Variants in SYTL3 observed in about 807,000 individuals in gnomAD.
SYTL3 encodes the protein synaptotagmin-like protein 3.
In SYTL3, 88 loss-of-function variants were observed where a neutral mutation model predicts 82.1. That is an observed-to-expected ratio of 1.07 (90% CI 0.90 to 1.28). The LOEUF is 1.28. Ranked by LOEUF, SYTL3 falls within the 50% of genes most tolerant of loss-of-function variation. The probability of loss-of-function intolerance (pLI) is 0.00; values close to 1 mark genes in which losing one functional copy is unlikely to be tolerated. For missense variants in SYTL3, 831 were observed against 757.6 expected (o/e 1.10, Z -1.14); for synonymous variants, 311 against 289.4 (o/e 1.07, Z -0.76).
At chr6:158,757,934 C>T (rs1307191700) in intron 14 of SYTL3, among the ~76,000 whole-genome samples, 2 of 152,114 alleles carry the variant, frequency 1.3e-5, no homozygotes, top group African/African-American at 2.4e-5. Context: ...ATAGATAGCA[C>T]GTGGGCTGGG....
rs375525173 is a variant in SYTL3, at chr6:158,763,455, C to G, written c.1669C>G (p.Gln557Glu). Reference sequence around the variant, plus strand: ...AAGCTTGGAGTTAACTGTCTGGGATCAGGCCCTCTTTGGAATGAACGACCG... The same window carrying G: ...AAGCTTGGAGTTAACTGTCTGGGATGAGGCCCTCTTTGGAATGAACGACCG... The part of the protein sequence containing the change: ...QSSLELTVWD[Q>E]ALFGMNDRLL... Residue 557 changes from glutamine (Q) to glutamate (E), a missense_variant, in exon 17 of 18, where the codon CAG (glutamine) becomes GAG (glutamate). Transcript: ENST00000611299. 6 of 1,614,076 alleles carry G rather than the reference C, an allele frequency of 3.7e-6. No individual in the cohort carries two copies. In the African/African-American group the frequency reaches 6.7e-5, roughly 18 times the overall value.
intron 12 of SYTL3, among the ~76,000 whole-genome samples, chr6:158,749,405 AAAAAAGAAAG>A (rs1342618005): frequency 2.7e-5 from 4 of 148,492 alleles, no homozygotes; most frequent in Non-Finnish European, 6.0e-5. Flanking sequence ...AAAAAAAAAA[AAAAAAGAAAG>A]AAAAAAATAT....
chr6:158,697,099 C>CA (rs1780638537), intron 6 of SYTL3, among the ~76,000 whole-genome samples: 1 of 151,118 alleles, frequency 6.6e-6, no homozygotes, highest in Non-Finnish European at 1.5e-5. Flanking sequence ...AAAATTAACC[C>CA]AAAATGCATC....
intron 11 of SYTL3, among the ~76,000 whole-genome samples, chr6:158,730,507 CA>C (rs369544920): frequency 1.3e-5 from 2 of 152,318 alleles, no homozygotes; most frequent in Non-Finnish European, 2.9e-5. Flanking sequence ...TACACTCCTC[CA>C]GGGGCGGTCT....
At chr6:158,740,258 A>G (rs1786764830) in intron 11 of SYTL3, among the ~76,000 whole-genome samples, 1 of 152,006 alleles carries the variant, frequency 6.6e-6, no homozygotes, top group East Asian at 1.9e-4. Context: ...GGTCTCCCAA[A>G]GTGTTGGGAT....
chr6:158,761,559 T>C (rs1427081494), intron 15 of SYTL3, among the ~76,000 whole-genome samples: 5 of 151,938 alleles, frequency 3.3e-5, no homozygotes, highest in South Asian at 2.1e-4. Context: ...CCGCCCACCT[T>C]GGCCTCCCAA....
chr6:158,716,923 A>G (rs1433556263), intron 9 of SYTL3, among the ~76,000 whole-genome samples: 2 of 152,204 alleles, frequency 1.3e-5, no homozygotes, highest in Non-Finnish European at 2.9e-5. Context: ...TATTTCATGG[A>G]TAACTTTAAT....
At chr6:158,736,841 T>C (rs981277788) in intron 11 of SYTL3, among the ~76,000 whole-genome samples, 1 of 149,314 alleles carries the variant, frequency 6.7e-6, no homozygotes, top group Non-Finnish European at 1.5e-5. Flanking sequence ...AAATCAAGGA[T>C]GATTAACAGA....
At chr6:158,694,503 C>T (rs1352961683) in intron 6 of SYTL3, among the ~76,000 whole-genome samples, 1 of 152,018 alleles carries the variant, frequency 6.6e-6, no homozygotes, top group African/African-American at 2.4e-5. Context: ...CCATATTGCC[C>T]AGGCTGGTCC....
At chr6:158,684,459 T>G (rs1300346081) in intron 6 of SYTL3, among the ~76,000 whole-genome samples, 1 of 152,180 alleles carries the variant, frequency 6.6e-6, no homozygotes, top group African/African-American at 2.4e-5. Context: ...AGAGCTGTGA[T>G]GGGGCATCAG....
At position 158,756,507 on chromosome 6, in the gene SYTL3, C is replaced by T. The variant is rs188757097; in HGVS notation, c.1138-704C>T. Among the ~76,000 whole-genome samples, 482 of 152,152 alleles carry T rather than the reference C, an allele frequency of 3.2e-3. 2 individuals are homozygous for T. The highest frequency in any genetic ancestry group is 6.3e-3 in the Admixed American group (96 of 15,286). The stretch of plus-strand genomic sequence containing the variant: ...GGTGGGTCATTTGAGGTCAGGAGTT[C>T]GAGACCAACCTGGCCAACGTGGTGA... On this transcript the variant is annotated intron_variant, in intron 13 of 17. Transcript: ENST00000611299.
rs117532170 is a variant in SYTL3, at chr6:158,722,690, C to T, written c.721-2813C>T. ...TTAAACAGGAAGGATGCCTAAAAAC[C>T]GTCAGGAGGGGCTATCTCTGGGGAG... On this transcript the variant is annotated intron_variant, in intron 10 of 17. Coordinates refer to ENST00000611299, the MANE Select transcript of SYTL3 (RefSeq NM_001242394.2). Among the ~76,000 whole-genome samples the T allele has an allele frequency of 7.7e-3, 1,161 of 151,168 alleles. 6 individuals carry two copies. The highest frequency in any genetic ancestry group is 0.012 in the Non-Finnish European group (831 of 67,892).
intron 11 of SYTL3, among the ~76,000 whole-genome samples, chr6:158,736,788 CAAAA>C (rs56148264): frequency 1.3e-4 from 8 of 62,698 alleles, no homozygotes; most frequent in South Asian, 5.4e-4. Context: ...GACTCTGTCT[CAAAA>C]AAAAAAAAAA....
chr6:158,726,378 A>G (rs896600373), intron 11 of SYTL3: 29 of 275,008 alleles, frequency 1.1e-4, no homozygotes, highest in Middle Eastern at 1.1e-3. Flanking sequence ...GTGAATTATC[A>G]TTGGCTCTAA....
At chr6:158,671,974 A>G (rs190239891) in intron 5 of SYTL3, among the ~76,000 whole-genome samples, 67 of 152,098 alleles carry the variant, frequency 4.4e-4, no homozygotes, top group Non-Finnish European at 7.9e-4. Flanking sequence ...CAAGTTCTTT[A>G]TTTTGATTCA....
intron 13 of SYTL3, among the ~76,000 whole-genome samples, chr6:158,755,672 C>T (rs958910472): frequency 3.3e-5 from 5 of 152,156 alleles, no homozygotes; most frequent in Non-Finnish European, 7.3e-5. Context: ...TCTCGTTCCT[C>T]GATTGGAAAG....
chr6:158,680,930 A>G (rs1354178474), intron 5 of SYTL3, among the ~76,000 whole-genome samples: 1 of 152,226 alleles, frequency 6.6e-6, no homozygotes, highest in Non-Finnish European at 1.5e-5. Flanking sequence ...AAGATAGCAT[A>G]TTTTGAAAAA....
chr6:158,761,301 C>CTTTTTTTTT lies in SYTL3; in HGVS notation c.1414+567_1414+575dup, dbSNP rs11463987. 2.9e-4 allele frequency among the ~76,000 whole-genome samples: 27 copies of CTTTTTTTTT among 93,880 alleles called. 1 individual carries two copies. The highest frequency in any genetic ancestry group is 4.4e-4 in the Non-Finnish European group (21 of 47,826). 61.6% of individuals were successfully genotyped at this position (93,880 alleles called of 152,430 possible). A position where few individuals can be genotyped will look rare whatever the true frequency, so the allele number is the denominator to read the frequency against. On this transcript the variant is annotated intron_variant, in intron 15 of 17. Transcript: ENST00000611299. ...AGGAGGACTGGGAGAATGCACATTT[C>CTTTTTTTTT]TTTTTTTTTTTTTTTTTTTGAGACA...
intron 13 of SYTL3, among the ~76,000 whole-genome samples, chr6:158,753,581 T>C (rs2128532153): frequency 6.6e-6 from 1 of 151,744 alleles, no homozygotes; most frequent in African/African-American, 2.4e-5. Flanking sequence ...ATACAAAAAA[T>C]TAGCCGGGCG....
Sources: allele counts gnomAD v4.1 joint callset (sites outside exome capture counted in the v4.1 genomes callset), GRCh38; gene constraint gnomAD v4.1.1; transcripts MANE v1.5; gene names NCBI Gene and HGNC (gene_info 2026-07-23, HGNC 2026-07-21).